The following PTPRB variants were observed in gnomAD, a reference collection of about 807,000 sequenced individuals.
The protein encoded by PTPRB is protein tyrosine phosphatase receptor type B, also known as receptor-type tyrosine-protein phosphatase beta.
A neutral mutation model predicts 238.1 loss-of-function variants in PTPRB; 97 were observed. The observed-to-expected ratio is 0.41, with a 90% confidence interval of 0.35 to 0.48. The LOEUF (loss-of-function observed/expected upper bound fraction) is 0.48. Ranked by LOEUF, PTPRB falls within the 20% of genes least tolerant of loss-of-function variation. The pLI is 0.30. For missense variants in PTPRB, 2,292 were observed against 2,681.9 expected (o/e 0.85, Z 3.21); for synonymous variants, 970 against 995.4 (o/e 0.97, Z 0.48).
chr12:70,599,165 G>T (rs2136495773), intron 4 of PTPRB, among the ~76,000 whole-genome samples: 1 of 152,214 alleles, frequency 6.6e-6, no homozygotes. Flanking sequence ...AATTTTATTA[G>T]ATACTTCTAT....
intron 33 of PTPRB, among the ~76,000 whole-genome samples, chr12:70,523,182 A>G (rs370662033): frequency 2.3e-4 from 35 of 150,334 alleles, no homozygotes; most frequent in East Asian, 6.0e-4. Context: ...TTGAGATACA[A>G]TCTTGCTCTA....
At chr12:70,583,740 A>G (rs771694163) in intron 9 of PTPRB, among the ~76,000 whole-genome samples, 2 of 152,166 alleles carry the variant, frequency 1.3e-5, no homozygotes, top group Non-Finnish European at 2.9e-5. Flanking sequence ...AAAGTTGACA[A>G]TTTAGATTAA....
chr12:70,621,664 T>A (rs1884941260), intron 3 of PTPRB, among the ~76,000 whole-genome samples: 1 of 152,192 alleles, frequency 6.6e-6, no homozygotes, highest in Non-Finnish European at 1.5e-5. Context: ...GGATGTGAAG[T>A]CATATGACTT....
intron 19 of PTPRB, 25 bp from the exon 20 acceptor site, chr12:70,555,334 C>T: frequency 6.3e-7 from 1 of 1,596,984 alleles, no homozygotes; most frequent in South Asian, 1.1e-5. Context: ...GGGGAAGGAA[C>T]CAAGAGGGGT....
chr12:70,528,237 G>A (rs1156910330), intron 32 of PTPRB, among the ~76,000 whole-genome samples: 3 of 152,182 alleles, frequency 2.0e-5, no homozygotes, highest in African/African-American at 7.2e-5. Context: ...AAACACTGGT[G>A]GTGGCTAGTA....
At chr12:70,557,761 A>T (rs912251410) in intron 18 of PTPRB, among the ~76,000 whole-genome samples, 8 of 152,316 alleles carry the variant, frequency 5.3e-5, no homozygotes, top group Middle Eastern at 6.8e-3. Flanking sequence ...CTTGTGTGGG[A>T]GTATCATTCC....
intron 8 of PTPRB, among the ~76,000 whole-genome samples, chr12:70,588,095 C>CAAAAAA (rs10558140): frequency 3.1e-4 from 32 of 104,516 alleles, no homozygotes; most frequent in Non-Finnish European, 5.0e-4. Flanking sequence ...GACTCTGTCT[C>CAAAAAA]AAAAAAAAAA....
chr12:70,545,936 A>G (rs1240922599), intron 21 of PTPRB, among the ~76,000 whole-genome samples: 3 of 152,206 alleles, frequency 2.0e-5, no homozygotes, highest in Non-Finnish European at 4.4e-5. Context: ...CAGGAGTTCG[A>G]GATCAGCCTG....
chr12:70,572,775 T>TAAAAAAAAAAAAAAAA (rs10709963), intron 11 of PTPRB, among the ~76,000 whole-genome samples: 18 of 93,896 alleles, frequency 1.9e-4, no homozygotes, highest in South Asian at 1.0e-3. Flanking sequence ...CTCCATCTCA[T>TAAAAAAAAAAAAAAAA]AAAAAAAAAA....
At chr12:70,565,300 T>C (rs772676834) in intron 15 of PTPRB, among the ~76,000 whole-genome samples, 1 of 152,252 alleles carries the variant, frequency 6.6e-6, no homozygotes, top group Non-Finnish European at 1.5e-5. Flanking sequence ...AGGCACCCTC[T>C]AATTTGGCTC....
chr12:70,569,891 C>A lies in PTPRB; in HGVS notation c.3418G>T (p.Asp1140Tyr). The A allele has an allele frequency of 1.2e-6, 2 of 1,613,104 alleles. No homozygotes were observed. Among genetic ancestry groups the A allele is most frequent in the South Asian group, 2.2e-5 (2 of 91,062 alleles). ...NIHISPNGATDSLTVNWTPGG... is the reference protein window; with the variant it reads ...NIHISPNGATYSLTVNWTPGG... ...GGAGTCCAGTTCACCGTCAGGCTAT[C>A]TGTTGCTCCATTGGGAGAAATGTGA... Residue 1140 changes from aspartate to tyrosine, a missense_variant, in exon 14 of 34, where the codon GAT (aspartate) becomes TAT (tyrosine). Around this residue, in one of 4 missense-constraint regions of PTPRB, gnomAD observed 683 missense variants for 862.0 expected, o/e 0.79. Transcript: ENST00000334414.
In PTPRB at chr12:70,581,294, G is replaced by A; in HGVS notation, c.2320C>T (p.Gln774Ter). 6.2e-7 allele frequency: 1 copy of A among 1,612,388 alleles called. No individual in the cohort carries two copies. The highest frequency in any genetic ancestry group is 8.5e-7 in the Non-Finnish European group (1 of 1,178,982). ...SSVKGRTVPA[Q>*]VTDLHVANQG... ...TTGGCCACATGCAAGTCAGTCACTT[G>A]GGCAGGCACTAAAACAGTAGACAGA... Residue 774 changes from glutamine to a stop codon, truncating the protein, a stop_gained, in exon 10 of 34, where the codon CAA (glutamine) becomes TAA (stop). Transcript: ENST00000334414. LOFTEE classifies it high-confidence loss of function.
At position 70,564,931 on chromosome 12, in the gene PTPRB, A is replaced by AC. The variant is rs769250833; in HGVS notation, c.3904+1503dup. 2.5e-4 allele frequency among the ~76,000 whole-genome samples: 38 copies of AC among 151,174 alleles called. No individual in the cohort carries two copies. The Middle Eastern group carries it at 0.01, about 41-fold the overall frequency. On this transcript the variant is annotated intron_variant, in intron 15 of 33. Transcript: ENST00000334414. ...TGTAAGCCCCAACTCTTGCTATCCC[A>AC]CCTTCCTAACTTAATTTCCTTCTTG... is the stretch of plus-strand genomic sequence containing the variant.
intron 14 of PTPRB, among the ~76,000 whole-genome samples, 179 bp from the exon 15 acceptor site, chr12:70,566,883 T>G (rs1879372470): frequency 6.6e-6 from 1 of 152,224 alleles, no homozygotes; most frequent in Non-Finnish European, 1.5e-5. Flanking sequence ...TTTGTTGGCT[T>G]AACCTGTCTG....
At chr12:70,590,850 C>G (rs1339440905) in intron 7 of PTPRB, among the ~76,000 whole-genome samples, 1 of 151,822 alleles carries the variant, frequency 6.6e-6, no homozygotes, top group Non-Finnish European at 1.5e-5. Context: ...TTTGTCCCCT[C>G]CACCCCAAAA....
intron 31 of PTPRB, 81 bp from the exon 32 acceptor site, chr12:70,532,251 C>A (rs982621955): frequency 4.2e-6 from 6 of 1,428,848 alleles, no homozygotes; most frequent in Non-Finnish European, 4.7e-6. Flanking sequence ...CTGGCACAAT[C>A]TTTTTTTTCC....
intron 16 of PTPRB, among the ~76,000 whole-genome samples, chr12:70,561,891 G>C (rs1452707716): frequency 1.3e-5 from 2 of 152,200 alleles, no homozygotes; most frequent in Non-Finnish European, 2.9e-5. Flanking sequence ...GCCCTTGACT[G>C]TCTTGTTCAC....
chr12:70,601,783 CTTTTTTCTTTT>C (rs1266242063), intron 4 of PTPRB, among the ~76,000 whole-genome samples: 7 of 140,216 alleles, frequency 5.0e-5, no homozygotes, highest in African/African-American at 1.8e-4. Context: ...TTCTTTTTTT[CTTTTTTCTTTT>C]TTTTTTTTTT....
In PTPRB at chr12:70,564,394, C is replaced by T. The variant is rs368756802; in HGVS notation, c.3905-1287G>A. 6.6e-4 allele frequency among the ~76,000 whole-genome samples: 101 copies of T among 151,978 alleles called. 3 individuals carry two copies. In the South Asian group the frequency reaches 0.02, roughly 31 times the overall value. Reference sequence around the variant, plus strand: ...GGGTGTAGTGGTGCATACCTGTAGTCCCACTCGGTATGCACTCGGGAGGCT... The same window carrying T: ...GGGTGTAGTGGTGCATACCTGTAGTTCCACTCGGTATGCACTCGGGAGGCT... On this transcript the variant is annotated intron_variant, in intron 15 of 33. Coordinates refer to ENST00000334414, the MANE Select transcript of PTPRB (RefSeq NM_001109754.4).
Sources: gnomAD v4.1 joint callset for allele counts (sites outside exome capture counted in the v4.1 genomes callset) on GRCh38, gnomAD v4.1.1 for gene constraint, gnomAD v4.1.1 regional missense constraint, MANE v1.5 for transcripts, NCBI Gene and HGNC (gene_info 2026-07-23, HGNC 2026-07-21) for gene names.